Variants in WWP2 observed in about 807,000 individuals in gnomAD.
The protein encoded by WWP2 is NEDD4-like E3 ubiquitin-protein ligase WWP2.
Under a neutral mutation model 121.0 loss-of-function variants are expected in WWP2, and 57 were observed. That is an observed-to-expected ratio of 0.47 (90% CI 0.38 to 0.59). The LOEUF (loss-of-function observed/expected upper bound fraction) is 0.59. Among genes scored for constraint, WWP2 ranks in the 20% least tolerant of loss-of-function variants. WWP2 has a pLI of 0.00. For missense variants in WWP2, 962 were observed against 1,158.9 expected, an observed-to-expected ratio of 0.83 and a Z score of 2.47; for synonymous variants, 449 against 441.3, an observed-to-expected ratio of 1.02 and a Z score of -0.22.
chr16:69,854,056 G>A (rs1403120874), intron 6 of WWP2, among the ~76,000 whole-genome samples: 1 of 152,232 alleles, frequency 6.6e-6, no homozygotes, highest in Non-Finnish European at 1.5e-5. Flanking sequence ...GTGAACCACA[G>A]GGCCACAATA....
intron 6 of WWP2, among the ~76,000 whole-genome samples, chr16:69,857,692 C>G (rs192492610): frequency 9.3e-6 from 1 of 107,960 alleles, no homozygotes; most frequent in South Asian, 2.9e-4. Flanking sequence ...GACAGGGTTT[C>G]GCTCTGTCAC....
intron 8 of WWP2, among the ~76,000 whole-genome samples, chr16:69,900,586 G>A (rs1313490850): frequency 1.3e-5 from 2 of 151,790 alleles, no homozygotes; most frequent in Non-Finnish European, 2.9e-5. Flanking sequence ...GCAGTGGTGC[G>A]ATCTCAGATC....
chr16:69,880,766 A>C (rs995912054), intron 7 of WWP2, among the ~76,000 whole-genome samples: 1 of 152,170 alleles, frequency 6.6e-6, no homozygotes, highest in Non-Finnish European at 1.5e-5. Context: ...AAAGACACCA[A>C]CTGCTTTACT....
At chr16:69,786,928 A>C (rs1221585360) in intron 1 of WWP2, 68 bp from the exon 2 acceptor site, 2 of 1,363,896 alleles carry the variant, frequency 1.5e-6, no homozygotes, top group Non-Finnish European at 2.0e-6. Context: ...TAAATATTGA[A>C]ATTGAGTTAA....
intron 6 of WWP2, among the ~76,000 whole-genome samples, chr16:69,858,435 G>T (rs1597066042): frequency 6.6e-6 from 1 of 152,074 alleles, no homozygotes. Flanking sequence ...CTTCTGGGTG[G>T]GTCATGTTGC....
chr16:69,826,563 C>T (rs2056695366), intron 4 of WWP2, among the ~76,000 whole-genome samples: 1 of 123,494 alleles, frequency 8.1e-6, no homozygotes, highest in African/African-American at 3.1e-5. Context: ...CAGAGTGAGA[C>T]TCCGTCTCAA....
At chr16:69,865,492 A>G (rs4985448) in intron 6 of WWP2, among the ~76,000 whole-genome samples, 103,301 of 152,186 alleles carry the variant, frequency 0.68, 36,748 homozygotes, top group East Asian at 0.9. Flanking sequence ...AAATTTAGAA[A>G]AGAGAGCTTC....
Position 69,806,953 on chromosome 16 carries a change from T to TATTTATTC in WWP2, c.340+7661_340+7662insTATTCATT, listed in dbSNP as rs770245519. ...GATCTGTTTTATTTATTTATTTATT[T>TATTTATTC]ATTCATTCATTCATTCATTCATTCA... On this transcript the variant is annotated intron_variant, in intron 4 of 23. Coordinates refer to ENST00000359154, the MANE Select transcript of WWP2 (RefSeq NM_001270454.2). Among the ~76,000 whole-genome samples, 429 of 146,164 alleles carry TATTTATTC rather than the reference T, an allele frequency of 2.9e-3. 4 individuals carry two copies. The highest frequency in any genetic ancestry group is 0.01 in the African/African-American group (404 of 39,110).
At chr16:69,849,482 T>TATTTATTTATTCATTCATTC (rs1555553863) in intron 6 of WWP2, among the ~76,000 whole-genome samples, 42 of 149,550 alleles carry the variant, frequency 2.8e-4, no homozygotes, top group African/African-American at 1.0e-3. Flanking sequence ...TTTATTTATT[T>TATTTATTTATTCATTCATTC]ATTCATTCAT....
At chr16:69,901,570 G>A (rs529712418) in intron 8 of WWP2, among the ~76,000 whole-genome samples, 10 of 151,960 alleles carry the variant, frequency 6.6e-5, no homozygotes, top group Middle Eastern at 3.4e-3. Context: ...GTACCACCAC[G>A]CCCAGCTAAT....
At position 69,909,172 on chromosome 16, in the gene WWP2, G is replaced by A. The variant is rs560661784; in HGVS notation, c.1004+322G>A. On this transcript the variant is annotated intron_variant, in intron 9 of 23. Coordinates refer to ENST00000359154, the MANE Select transcript of WWP2 (RefSeq NM_001270454.2). ...TTCGGCAGGGCTTCGTGAGAATGCC[G>A]CCAAGTTATCCAAAACCAAAGGATG... 1.8e-3 allele frequency: 1,849 copies of A among 1,034,312 alleles called. 1 individual carries two copies. Among genetic ancestry groups the A allele is most frequent in the Non-Finnish European group, 2.0e-3 (1,751 of 861,722 alleles). The allele number at this position is 1,034,312 out of a possible 1,614,324, so 64.1% of individuals were successfully genotyped here. A position where few individuals can be genotyped will look rare whatever the true frequency, so the allele number is the denominator to read the frequency against.
intron 1 of WWP2, 21 bp from the exon 2 acceptor site, chr16:69,786,974 CT>C: frequency 6.3e-7 from 1 of 1,585,564 alleles, no homozygotes; most frequent in Non-Finnish European, 8.6e-7. Context: ...TCTCTGAATT[CT>C]TTTTTCTGTT....
intron 6 of WWP2, among the ~76,000 whole-genome samples, chr16:69,862,597 A>C (rs1045784611): frequency 2.6e-5 from 4 of 151,958 alleles, no homozygotes; most frequent in African/African-American, 9.7e-5. Flanking sequence ...CTGAACTTGA[A>C]TACCAGTGGG....
At chr16:69,860,161 C>A (rs1486347423) in intron 6 of WWP2, among the ~76,000 whole-genome samples, 4 of 151,936 alleles carry the variant, frequency 2.6e-5, no homozygotes, top group East Asian at 3.9e-4. Flanking sequence ...AAAAAAAAAT[C>A]AAAAAAATTA....
intron 18 of WWP2, 108 bp downstream of exon 18, chr16:69,936,094 C>T: frequency 6.6e-7 from 1 of 1,523,764 alleles, no homozygotes; most frequent in Non-Finnish European, 8.9e-7. Context: ...CCCCTGAGCT[C>T]TTTTCCAGCC....
At chr16:69,828,039 A>G (rs1442685693) in intron 4 of WWP2, 5 of 398,232 alleles carry the variant, frequency 1.3e-5, no homozygotes, top group Non-Finnish European at 2.4e-5. Flanking sequence ...TGTAATGGGT[A>G]ACTGGTGCTG....
chr16:69,813,519 C>T (rs1249965896), intron 4 of WWP2, among the ~76,000 whole-genome samples: 1 of 152,146 alleles, frequency 6.6e-6, no homozygotes, highest in Non-Finnish European at 1.5e-5. Flanking sequence ...TGCTCTGTCA[C>T]CCAGGCTGGA....
At chr16:69,887,230 A>G (rs945845751) in intron 7 of WWP2, among the ~76,000 whole-genome samples, 1 of 152,118 alleles carries the variant, frequency 6.6e-6, no homozygotes, top group Non-Finnish European at 1.5e-5. Flanking sequence ...CTTGCTTCCT[A>G]CTTTGAGCAT....
intron 4 of WWP2, among the ~76,000 whole-genome samples, chr16:69,801,309 G>A (rs888735502): frequency 1.3e-5 from 2 of 148,662 alleles, no homozygotes; most frequent in African/African-American, 5.0e-5. Flanking sequence ...TCGGCTCACC[G>A]TAGCCTCTGC....
Sources: allele counts gnomAD v4.1 joint callset (sites outside exome capture counted in the v4.1 genomes callset), GRCh38; gene constraint gnomAD v4.1.1; transcripts MANE v1.5; gene names NCBI Gene and HGNC (gene_info 2026-07-23, HGNC 2026-07-21).